COL4A1: variants seen among roughly 807,000 people sequenced by gnomAD.
COL4A1 encodes collagen type IV alpha 1 chain.
Under a neutral mutation model 216.6 loss-of-function variants are expected in COL4A1, and 40 were observed. The observed-to-expected ratio is 0.18, with a 90% CI of 0.14 to 0.24. The LOEUF (loss-of-function observed/expected upper bound fraction) is 0.24. Ranked by LOEUF, COL4A1 falls within the 10% of genes least tolerant of loss-of-function variation. The probability of loss-of-function intolerance (pLI) is 1.00; values close to 1 mark genes in which losing one functional copy is unlikely to be tolerated. For missense variants in COL4A1, 1,628 were observed against 2,196.8 expected (o/e 0.74, Z 5.18); for synonymous variants, 839 against 810.7 (o/e 1.03, Z -0.59).
rs2139163105 is a variant in COL4A1 at position 110,177,005 on chromosome 13, T to A, written c.2749A>T (p.Arg917Trp). The A allele has an allele frequency of 6.2e-7, 1 of 1,614,098 alleles. No individual in the cohort carries two copies. Among genetic ancestry groups the A allele is most frequent in the Non-Finnish European group, 8.5e-7 (1 of 1,180,032 alleles). The change falls in exon 34 of 52, where the codon AGG becomes TGG. Residue 917 changes from arginine to tryptophan, a missense_variant. By Grantham distance (101) the Arg-to-Trp change is moderately radical. Around this residue, in one of 8 missense-constraint regions of COL4A1, gnomAD observed 701 missense variants for 892.5 expected, o/e 0.79. Transcript: ENST00000375820. The part of the protein sequence containing the change: ...DHGFPGSSGP[R>W]GDPGLKGDKG... ...TCACCTTTCAAGCCAGGGTCTCCCC[T>A]GGGTCCTGAGGAGCCCGGAAAGCCA...
At chr13:110,197,612 G>A (rs531932166) in intron 21 of COL4A1, among the ~76,000 whole-genome samples, 10 of 152,202 alleles carry the variant, frequency 6.6e-5, no homozygotes, top group Non-Finnish European at 1.3e-4. Flanking sequence ...CCAAATTCAT[G>A]TAGATCACAT....
At position 110,173,886 on chromosome 13, in the gene COL4A1, G is replaced by A. The variant is rs1877754817; in HGVS notation, c.3505+14C>T. On this transcript the variant is annotated intron_variant, in intron 40 of 51. Coordinates refer to ENST00000375820, the MANE Select transcript of COL4A1 (RefSeq NM_001845.6). ...ACTGCTGATTCTGATAGGGAATGGGGCGTTGGGCCATACCTGGTTCACCCT... is the reference window on the plus strand; with the variant it reads ...ACTGCTGATTCTGATAGGGAATGGGACGTTGGGCCATACCTGGTTCACCCT... 1 of 1,614,044 alleles carries A rather than the reference G, an allele frequency of 6.2e-7. No homozygotes were observed. Among genetic ancestry groups the A allele is most frequent in the African/African-American group, 1.3e-5 (1 of 75,044 alleles).
intron 2 of COL4A1, 40 bp downstream of exon 2, chr13:110,242,635 T>C: frequency 6.2e-7 from 1 of 1,601,736 alleles, no homozygotes; most frequent in Admixed American, 1.7e-5. Flanking sequence ...TACTGTCCAA[T>C]TCACAAAGAA....
At position 110,177,009 on chromosome 13, in the gene COL4A1, T is replaced by A; in HGVS notation, c.2745A>T (p.Gly915=). ...CTTTCAAGCCAGGGTCTCCCCTGGG[T>A]CCTGAGGAGCCCGGAAAGCCATGGT... ...KGDHGFPGSS[G]PRGDPGLKGD... is the part of the protein sequence containing the mutation. Residue 915 remains glycine, a synonymous_variant, in exon 34 of 52, where the codon GGA becomes GGT. Coordinates refer to ENST00000375820, the MANE Select transcript of COL4A1 (RefSeq NM_001845.6). 6.2e-7 allele frequency: 1 copy of A among 1,613,912 alleles called. No individual in the cohort carries two copies. Among genetic ancestry groups the A allele is most frequent in the Non-Finnish European group, 8.5e-7 (1 of 1,179,998 alleles).
chr13:110,212,740 G>C, intron 4 of COL4A1, 122 bp from the exon 5 acceptor site: 1 of 1,139,842 alleles, frequency 8.8e-7, no homozygotes, highest in South Asian at 1.3e-5. Context: ...ACACAAAGCA[G>C]ACAGAGCACT....
Position 110,176,428 on chromosome 13 carries a change from C to T in COL4A1, c.3054G>A (p.Leu1018=), listed in dbSNP as rs149543327. 37 of 1,611,126 alleles carry T rather than the reference C, an allele frequency of 2.3e-5. No homozygotes were observed. The highest frequency in any genetic ancestry group is 3.1e-5 in the Non-Finnish European group (36 of 1,177,310). Residue 1018 remains leucine (L), a synonymous_variant, in exon 36 of 52, where the codon TTG becomes TTA. Coordinates refer to ENST00000375820, the MANE Select transcript of COL4A1 (RefSeq NM_001845.6). ...GPKGSVGGMG[L]PGTPGEKGVP... ...CCTCTTCTAAATCCAGTTTACCTGG[C>T]AAGCCCATTCCACCAACAGATCCTT...
At chr13:110,203,537 A>T (rs1264858428) in intron 18 of COL4A1, 29 bp downstream of exon 18, 1 of 1,613,322 alleles carries the variant, frequency 6.2e-7, no homozygotes, top group East Asian at 2.2e-5. Flanking sequence ...CAGCGCTCTC[A>T]CAGACCCAGG....
intron 1 of COL4A1, among the ~76,000 whole-genome samples, chr13:110,302,387 G>C (rs1884530440): frequency 6.6e-6 from 1 of 152,096 alleles, no homozygotes; most frequent in Non-Finnish European, 1.5e-5. Context: ...TGGAGTTCAA[G>C]AAGGAGTTCT....
At position 110,198,499 on chromosome 13, in the gene COL4A1, G is replaced by A. The variant is rs927440520; in HGVS notation, c.1253C>T (p.Ser418Phe). 2 of 1,613,814 alleles carry A rather than the reference G, an allele frequency of 1.2e-6. No homozygotes were observed. Among genetic ancestry groups the A allele is most frequent in the African/African-American group, 2.7e-5 (2 of 74,888 alleles). Residue 418 changes from serine (S) to phenylalanine (F), a missense_variant, in exon 21 of 52, where the codon TCC (serine) becomes TTC (phenylalanine). Around this residue, in one of 8 missense-constraint regions of COL4A1, gnomAD observed 701 missense variants for 892.5 expected, o/e 0.79. Transcript: ENST00000375820. ...GRDGLPGPPG[S>F]PGPPGQPGYT... Reference sequence around the variant, plus strand: ...GCCAGGCTGCCCAGGGGGCCCAGGGGAACCAGGAGGACCCGGGAGCCCATC... The same window carrying A: ...GCCAGGCTGCCCAGGGGGCCCAGGGAAACCAGGAGGACCCGGGAGCCCATC...
At chr13:110,182,580 C>T (rs945913050) in intron 28 of COL4A1, among the ~76,000 whole-genome samples, 7 of 152,168 alleles carry the variant, frequency 4.6e-5, no homozygotes, top group African/African-American at 1.4e-4. Flanking sequence ...GCTCTAACAC[C>T]GGTAGGACTC....
chr13:110,293,102 A>C (rs1215724192), intron 1 of COL4A1, among the ~76,000 whole-genome samples: 1 of 152,238 alleles, frequency 6.6e-6, no homozygotes, highest in Non-Finnish European at 1.5e-5. Context: ...GATTCCATTC[A>C]AGGTCACCGT....
At chr13:110,164,802 A>G in intron 46 of COL4A1, 60 bp downstream of exon 46, 2 of 1,598,084 alleles carry the variant, frequency 1.3e-6, no homozygotes, top group East Asian at 2.2e-5. Flanking sequence ...GTGAGGAGGA[A>G]CTCTGACCAC....
rs1421352541 is a variant in COL4A1, at chr13:110,306,875, A to C, written c.84+69T>G. ...GGCAGGCGGACGGGTCCAGGCGCGG[A>C]CAAAGGGGCCTCTCGGGGCGCCCAA... On this transcript the variant is annotated intron_variant, in intron 1 of 51. Coordinates refer to ENST00000375820, the MANE Select transcript of COL4A1 (RefSeq NM_001845.6). 14 of 1,373,860 alleles carry C rather than the reference A, an allele frequency of 1.0e-5. No homozygotes were observed. The East Asian group carries it at 3.1e-4, about 30-fold the overall frequency. 85.1% of individuals were successfully genotyped at this position (1,373,860 alleles called of 1,614,324 possible).
chr13:110,268,924 G>C lies in COL4A1; in HGVS notation c.85-26190C>G, dbSNP rs910712434. On this transcript the variant is annotated intron_variant, in intron 1 of 51. Transcript: ENST00000375820. This position sits in a 1 kb window ranked among gnomAD's most constrained non-coding sequence, Gnocchi z 4.1. Reference sequence around the variant, plus strand: ...GAGGGAGTGGGAACACCACCTTCCAGAGCCCAGCAGAGGAGGCCAACGTGC... The same window carrying C: ...GAGGGAGTGGGAACACCACCTTCCACAGCCCAGCAGAGGAGGCCAACGTGC... Among the ~76,000 whole-genome samples the C allele has an allele frequency of 3.9e-5, 6 of 152,178 alleles. No homozygotes were observed. Among genetic ancestry groups the C allele is most frequent in the Non-Finnish European group, 8.8e-5 (6 of 68,032 alleles).
intron 1 of COL4A1, among the ~76,000 whole-genome samples, chr13:110,258,367 A>T (rs7992790): frequency 1.3e-5 from 2 of 152,026 alleles, no homozygotes; most frequent in Non-Finnish European, 2.9e-5. Context: ...GTAAAATCCC[A>T]TCTCTACTAA....
intron 1 of COL4A1, among the ~76,000 whole-genome samples, chr13:110,270,270 G>GT (rs1167240627): frequency 6.6e-6 from 1 of 152,186 alleles, no homozygotes; most frequent in Non-Finnish European, 1.5e-5. Context: ...GATAAATATT[G>GT]TTTTTAGTGC....
At chr13:110,161,929 T>C (rs900308937) in intron 48 of COL4A1, 17 of 450,074 alleles carry the variant, frequency 3.8e-5, no homozygotes, top group African/African-American at 3.0e-4. Context: ...TCCAGGAATC[T>C]TGATCCTACT....
At chr13:110,205,647 G>C (rs1879474132) in intron 15 of COL4A1, 109 bp from the exon 16 acceptor site, 8 of 1,188,648 alleles carry the variant, frequency 6.7e-6, no homozygotes, top group Non-Finnish European at 1.0e-5. Context: ...TGGATCACCT[G>C]AGGTCAGGAG....
intron 23 of COL4A1, 106 bp downstream of exon 23, chr13:110,192,724 G>T: frequency 1.1e-6 from 1 of 888,024 alleles, no homozygotes; most frequent in Non-Finnish European, 1.8e-6. Context: ...CTTTAGGATT[G>T]GCTGCCGAAA....
Sources: gnomAD v4.1 joint callset for allele counts (sites outside exome capture counted in the v4.1 genomes callset) on GRCh38, gnomAD v4.1.1 for gene constraint, gnomAD v4.1.1 regional missense constraint, Gnocchi (gnomAD v3.1) non-coding constraint, MANE v1.5 for transcripts, NCBI Gene and HGNC (gene_info 2026-07-23, HGNC 2026-07-21) for gene names.